PREP: variants seen among roughly 807,000 people sequenced by gnomAD.
PREP encodes prolyl endopeptidase, also known as dJ355L5.1 (prolyl endopeptidase).
In PREP, 29 loss-of-function variants were observed where a neutral mutation model predicts 87.6. That is an observed-to-expected ratio of 0.33 (90% CI 0.25 to 0.45). The LOEUF (loss-of-function observed/expected upper bound fraction) is 0.45, where lower values mean the gene tolerates loss of function less well. Among genes scored for constraint, PREP ranks in the 20% least tolerant of loss-of-function variants. The probability of loss-of-function intolerance (pLI) is 1.00; values close to 1 mark genes in which losing one functional copy is unlikely to be tolerated. For missense variants in PREP, 695 were observed against 886.5 expected (o/e 0.78, Z 2.74); for synonymous variants, 337 against 328.6 (o/e 1.03, Z -0.28).
At chr6:105,319,007 T>C (rs370023136) in intron 10 of PREP, among the ~76,000 whole-genome samples, 1 of 152,156 alleles carries the variant, frequency 6.6e-6, no homozygotes, top group East Asian at 1.9e-4. Context: ...ACAAATCAGC[T>C]ATCACTAAGA....
chr6:105,366,027 G>A (rs905665879), intron 6 of PREP, among the ~76,000 whole-genome samples: 5 of 152,110 alleles, frequency 3.3e-5, no homozygotes, highest in South Asian at 4.1e-4. Context: ...GGCTGAGGCC[G>A]GCGGATGACC....
At chr6:105,334,842 C>T (rs1443806168) in intron 7 of PREP, among the ~76,000 whole-genome samples, 1 of 152,202 alleles carries the variant, frequency 6.6e-6, no homozygotes, top group Non-Finnish European at 1.5e-5. Context: ...CTAAGATCCT[C>T]CCTGCCTTAG....
Position 105,278,140 on chromosome 6 carries a change from C to CTGTT in PREP, c.2133_*3dup, listed in dbSNP as rs776600644. 5.6e-6 allele frequency: 9 copies of CTGTT among 1,604,434 alleles called. No homozygotes were observed. Among genetic ancestry groups the CTGTT allele is most frequent in the South Asian group, 4.4e-5 (4 of 90,572 alleles). On this transcript the variant is annotated 3_prime_UTR_variant, in exon 15 of 15. Coordinates refer to ENST00000652536, the MANE Select transcript of PREP (RefSeq NM_002726.5). The surrounding 1 kb of genome is among the most constrained non-coding windows in gnomAD (Gnocchi z 4.2). ...TCGCTGTCAGGAGGAAGCACGAAAACTGTTTATGGAATCCAGTCGACGTTC... is the reference window on the plus strand; with the variant it reads ...TCGCTGTCAGGAGGAAGCACGAAAACTGTTTGTTTATGGAATCCAGTCGACGTTC...
Position 105,277,367 on chromosome 6 carries a change from C to T in PREP, c.*777G>A, listed in dbSNP as rs1384677904. Among the ~76,000 whole-genome samples, 2 of 152,102 alleles carry T rather than the reference C, an allele frequency of 1.3e-5. No individual in the cohort carries two copies. The highest frequency in any genetic ancestry group is 4.8e-5 in the African/African-American group (2 of 41,418). On this transcript the variant is annotated 3_prime_UTR_variant, in exon 15 of 15. Coordinates refer to ENST00000652536, the MANE Select transcript of PREP (RefSeq NM_002726.5). ...CAAGGAACTCTGATTTCTAGGAATA[C>T]TTTGTAAACAAATCAATATACAAAT...
At chr6:105,349,911 A>AAAAAAAAAAAAAAAAAAAAC (rs1771902299) in intron 7 of PREP, among the ~76,000 whole-genome samples, 1 of 150,428 alleles carries the variant, frequency 6.6e-6, no homozygotes, top group African/African-American at 2.4e-5. Flanking sequence ...AAAAAAAAAA[A>AAAAAAAAAAAAAAAAAAAAC]AAAAAAAAAA....
At chr6:105,336,472 T>C (rs1485553557) in intron 7 of PREP, among the ~76,000 whole-genome samples, 1 of 152,190 alleles carries the variant, frequency 6.6e-6, no homozygotes, top group Non-Finnish European at 1.5e-5. Context: ...GATTTGTCTG[T>C]TTTTGCTCAT....
chr6:105,336,880 T>G (rs1771496001), intron 7 of PREP, among the ~76,000 whole-genome samples: 2 of 152,186 alleles, frequency 1.3e-5, no homozygotes, highest in African/African-American at 4.8e-5. Flanking sequence ...TTCCTTTATA[T>G]ATCTATATTC....
At chr6:105,313,880 T>G (rs1047501978) in intron 10 of PREP, among the ~76,000 whole-genome samples, 2 of 152,230 alleles carry the variant, frequency 1.3e-5, no homozygotes, top group Admixed American at 6.5e-5. Flanking sequence ...TAAAGTTTTA[T>G]TTTATTTCTG....
chr6:105,321,126 G>C, intron 10 of PREP, among the ~76,000 whole-genome samples: 1 of 152,146 alleles, frequency 6.6e-6, no homozygotes, highest in East Asian at 1.9e-4. Context: ...ACAGTACTAC[G>C]TGTATGAGGT....
intron 5 of PREP, among the ~76,000 whole-genome samples, chr6:105,371,500 CAAAAAAAA>C (rs528772896): frequency 2.2e-5 from 1 of 44,804 alleles, no homozygotes; most frequent in African/African-American, 6.2e-5. Flanking sequence ...GATTCCATCT[CAAAAAAAA>C]AAAAAAAAAA....
intron 6 of PREP, among the ~76,000 whole-genome samples, chr6:105,353,470 A>G (rs189963045): frequency 8.5e-5 from 13 of 152,274 alleles, no homozygotes; most frequent in Middle Eastern, 3.4e-3. Flanking sequence ...GTTGTTCTCA[A>G]TAAAAATTAG....
At chr6:105,291,398 A>T (rs1044676080) in intron 10 of PREP, among the ~76,000 whole-genome samples, 2 of 152,052 alleles carry the variant, frequency 1.3e-5, no homozygotes, top group Admixed American at 1.3e-4. Flanking sequence ...CAAAGTATTA[A>T]TCCTGGGTGT....
intron 2 of PREP, among the ~76,000 whole-genome samples, chr6:105,386,699 A>T (rs1773005241): frequency 6.6e-6 from 1 of 152,218 alleles, no homozygotes; most frequent in South Asian, 2.1e-4. Flanking sequence ...AGTATTCCCT[A>T]GGGCAGTTTT....
At chr6:105,370,063 C>G (rs1772494950) in intron 5 of PREP, among the ~76,000 whole-genome samples, 1 of 151,918 alleles carries the variant, frequency 6.6e-6, no homozygotes, top group Non-Finnish European at 1.5e-5. Context: ...ACCAGCCTGA[C>G]CAACATGGTG....
At chr6:105,341,583 A>G (rs920729383) in intron 7 of PREP, among the ~76,000 whole-genome samples, 2 of 152,250 alleles carry the variant, frequency 1.3e-5, no homozygotes, top group African/African-American at 4.8e-5. Context: ...CCTTCAAAAA[A>G]ATCAATGAAT....
chr6:105,378,919 T>C (rs1386327021), intron 2 of PREP, among the ~76,000 whole-genome samples: 1 of 152,184 alleles, frequency 6.6e-6, no homozygotes, highest in Non-Finnish European at 1.5e-5. Flanking sequence ...TGTGCAACAA[T>C]GCTTTGGGTT....
chr6:105,375,392 A>T (rs920745028), intron 4 of PREP, among the ~76,000 whole-genome samples: 2 of 152,262 alleles, frequency 1.3e-5, no homozygotes, highest in Admixed American at 1.3e-4. Context: ...CTATAACATC[A>T]TTATCATTGT....
chr6:105,360,255 T>C (rs983720901), intron 6 of PREP, among the ~76,000 whole-genome samples: 2 of 152,150 alleles, frequency 1.3e-5, no homozygotes, highest in African/African-American at 4.8e-5. Flanking sequence ...TCCCAACCTC[T>C]CTCATTTCTA....
rs571194921 is a variant in PREP at position 105,289,115 on chromosome 6, T to C, written c.1318-221A>G. Among the ~76,000 whole-genome samples the C allele has an allele frequency of 3.9e-5, 6 of 152,326 alleles. No homozygotes were observed. In the East Asian group the frequency reaches 1.2e-3, roughly 29 times the overall value. ...GTTTGAAAACAGGGAGACCTGCATTTGAATTCTTATTCCACAACTATCTTG... is the reference window on the plus strand; with the variant it reads ...GTTTGAAAACAGGGAGACCTGCATTCGAATTCTTATTCCACAACTATCTTG... On this transcript the variant is annotated intron_variant, in intron 10 of 14. Coordinates refer to ENST00000652536, the MANE Select transcript of PREP (RefSeq NM_002726.5).
Sources: allele counts gnomAD v4.1 joint callset (sites outside exome capture counted in the v4.1 genomes callset), GRCh38; gene constraint gnomAD v4.1.1; non-coding constraint Gnocchi (gnomAD v3.1); transcripts MANE v1.5; gene names NCBI Gene and HGNC (gene_info 2026-07-23, HGNC 2026-07-21).